The following SMC2 variants were observed in gnomAD, a reference collection of about 807,000 sequenced individuals.
SMC2 encodes structural maintenance of chromosomes 2.
SMC2 carries 41 observed loss-of-function variants against 142.6 expected under a neutral mutation model. The ratio of observed to expected loss-of-function variants is 0.29; its 90% CI spans 0.22 to 0.37. The LOEUF (loss-of-function observed/expected upper bound fraction) is 0.37, where lower values mean the gene tolerates loss of function less well. SMC2 is among the 10% of genes least tolerant of loss of function. SMC2 has a pLI of 1.00. For synonymous variants in SMC2, 463 were observed against 457.5 expected, an observed-to-expected ratio of 1.01 and a Z score of -0.15; for missense variants, 1,265 against 1,373.7, an observed-to-expected ratio of 0.92 and a Z score of 1.25.
At chr9:104,090,124 G>A (rs1363078081), upstream of SMC2, among the ~76,000 whole-genome samples, 1 of 152,136 alleles carries the variant, frequency 6.6e-6, no homozygotes, top group African/African-American at 2.4e-5. Context: ...CAACATGGTC[G>A]ACTGAGCTTT....
chr9:104,134,151 A>G (rs1033743447), intron 22 of SMC2, among the ~76,000 whole-genome samples: 1 of 152,066 alleles, frequency 6.6e-6, no homozygotes, highest in African/African-American at 2.4e-5. Context: ...TCATTTTTGT[A>G]AAGGGCCATA....
chr9:104,092,694 A>G (rs1830024077), upstream of SMC2: 1 of 152,232 alleles, frequency 6.6e-6, no homozygotes, highest in Non-Finnish European at 1.5e-5. Context: ...ATCCTTTCTT[A>G]AACAAAAAAC....
chr9:104,126,610 T>C, intron 18 of SMC2, 31 bp from the exon 19 acceptor site: 1 of 1,561,824 alleles, frequency 6.4e-7, no homozygotes, highest in Non-Finnish European at 8.7e-7. Flanking sequence ...TAATAACCTA[T>C]ATGAATACCT....
chr9:104,111,926 T>C lies in SMC2; in HGVS notation c.1254+112T>C. 3.9e-6 allele frequency: 3 copies of C among 770,486 alleles called. No homozygotes were observed. The South Asian group carries it at 5.8e-5, about 15-fold the overall frequency. The allele number at this position is 770,486 out of a possible 1,614,324, so 47.7% of individuals were successfully genotyped here. A position where few individuals can be genotyped will look rare whatever the true frequency, so the allele number is the denominator to read the frequency against. Reference sequence around the variant, plus strand: ...TTGAAAATAATCAGTCTCAAGGAACTTGTTTGTTTACTTTATTCTGCAACT... The same window carrying C: ...TTGAAAATAATCAGTCTCAAGGAACCTGTTTGTTTACTTTATTCTGCAACT... On this transcript the variant is annotated intron_variant, in intron 10 of 24. Coordinates refer to ENST00000374793, the MANE Select transcript of SMC2 (RefSeq NM_006444.3).
chr9:104,129,994 T>A, intron 21 of SMC2, 149 bp downstream of exon 21: 1 of 636,914 alleles, frequency 1.6e-6, no homozygotes, highest in Non-Finnish European at 2.7e-6. Flanking sequence ...CTTTTCGTCA[T>A]TTTTTTCTTA....
chr9:104,119,028 C>A (rs1208356150), intron 15 of SMC2, among the ~76,000 whole-genome samples: 1 of 152,134 alleles, frequency 6.6e-6, no homozygotes, highest in Non-Finnish European at 1.5e-5. Flanking sequence ...GAATCTGAAT[C>A]CCAGCAGTCT....
chr9:104,094,031 G>GGGCGGGGCT (rs1470975267), upstream of SMC2, among the ~76,000 whole-genome samples: 1 of 152,192 alleles, frequency 6.6e-6, no homozygotes, highest in Non-Finnish European at 1.5e-5. Context: ...GACCGAGGCG[G>GGGCGGGGCT]GGCGGGGCTG....
At chr9:104,113,092 AT>A (rs1832674410) in intron 10 of SMC2, among the ~76,000 whole-genome samples, 2 of 152,158 alleles carry the variant, frequency 1.3e-5, no homozygotes, top group Non-Finnish European at 2.9e-5. Flanking sequence ...TAAATTTCAA[AT>A]TCTTTTACAT....
In SMC2 at chr9:104,102,216, C is replaced by T. The variant is rs761913650; in HGVS notation, c.870+23C>T. 15 of 1,338,118 alleles carry T rather than the reference C, an allele frequency of 1.1e-5. No homozygotes were observed. In the Admixed American group the frequency reaches 1.5e-4, roughly 13 times the overall value. The allele number at this position is 1,338,118 out of a possible 1,614,324, so 82.9% of individuals were successfully genotyped here. A position where few individuals can be genotyped will look rare whatever the true frequency, so the allele number is the denominator to read the frequency against. On this transcript the variant is annotated intron_variant, in intron 8 of 24. Transcript: ENST00000374793. ...AAGGTCTGAACATATGTATAAGAAT[C>T]GATAATATACTCTGTGAAAAACGTA...
At chr9:104,088,888 A>C in the SMC2 span, among the ~76,000 whole-genome samples, 2 of 152,106 alleles carry the variant, frequency 1.3e-5, no homozygotes, top group Non-Finnish European at 2.9e-5. Context: ...GCATTCTATA[A>C]ATGCCTATTG....
chr9:104,136,281 A>T (rs1051560340), intron 23 of SMC2, among the ~76,000 whole-genome samples: 2 of 152,078 alleles, frequency 1.3e-5, no homozygotes, highest in South Asian at 2.1e-4. Flanking sequence ...ACACCTGTTA[A>T]TGTTCCTTAT....
intron 7 of SMC2, among the ~76,000 whole-genome samples, chr9:104,101,646 C>T (rs1247772924): frequency 6.6e-6 from 1 of 152,066 alleles, no homozygotes; most frequent in African/African-American, 2.4e-5. Flanking sequence ...ACTACTACTA[C>T]AGAATCCATG....
At chr9:104,098,387 T>A in intron 3 of SMC2, 59 bp from the exon 4 acceptor site, 1 of 1,410,830 alleles carries the variant, frequency 7.1e-7, no homozygotes. Context: ...TATACTTAGT[T>A]TATCCTAGCA....
At chr9:104,117,895 G>A (rs112411825) in intron 14 of SMC2, among the ~76,000 whole-genome samples, 1 of 152,062 alleles carries the variant, frequency 6.6e-6, no homozygotes, top group Non-Finnish European at 1.5e-5. Flanking sequence ...TAGAAACATG[G>A]TAATGGCTCC....
At chr9:104,091,162 A>T (rs1829977300), upstream of SMC2, among the ~76,000 whole-genome samples, 4 of 152,236 alleles carry the variant, frequency 2.6e-5, no homozygotes, top group Admixed American at 2.6e-4. Context: ...GCGTTGCCTA[A>T]CGACGAGATA....
At position 104,102,124 on chromosome 9, in the gene SMC2, G is replaced by A; in HGVS notation, c.801G>A (p.Leu267=). The change falls in exon 8 of 25, where the codon TTG becomes TTA. Residue 267 remains leucine (L), a synonymous_variant. Transcript: ENST00000374793. ...QDKVIKLQEE[L]SENDKKIKAL... is the part of the protein sequence containing the mutation. ...AAGTTATAAAGCTTCAGGAAGAATTGTCTGAGAATGATAAAAAAATAAAAG... is the reference window on the plus strand; with the variant it reads ...AAGTTATAAAGCTTCAGGAAGAATTATCTGAGAATGATAAAAAAATAAAAG... 6.3e-7 allele frequency: 1 copy of A among 1,594,082 alleles called. No individual in the cohort carries two copies. Among genetic ancestry groups the A allele is most frequent in the Non-Finnish European group, 8.6e-7 (1 of 1,164,698 alleles).
At chr9:104,123,357 A>G (rs1169507720) in intron 17 of SMC2, 125 bp downstream of exon 17, 3 of 888,030 alleles carry the variant, frequency 3.4e-6, no homozygotes, top group African/African-American at 3.5e-5. Flanking sequence ...GGGAAAATCC[A>G]AGTATGGGAT....
rs773792221 is a variant in SMC2 at position 104,118,186 on chromosome 9, G to A, written c.1807G>A (p.Val603Ile). ...TGTCCCACAGGTTGGCCCTGACAAC[G>A]TTCATGTGGCTCTTTCCTTGGTTGA... ...VAQNLVGPDN[V>I]HVALSLVEYK... The change falls in exon 15 of 25, where the codon GTT (valine) becomes ATT (isoleucine). Residue 603 changes from valine (V) to isoleucine (I), a missense_variant. Physicochemically the swap from Val to Ile is conservative, Grantham distance 29. This residue lies in a region of SMC2 where 898 missense variants were observed against 904.2 expected (regional missense o/e 0.99). Transcript: ENST00000374793. 20 of 1,613,612 alleles carry A rather than the reference G, an allele frequency of 1.2e-5. No homozygotes were observed. The highest frequency in any genetic ancestry group is 3.3e-5 in the South Asian group (3 of 91,070).
At position 104,114,063 on chromosome 9, in the gene SMC2, A is replaced by G. The variant is rs755680693; in HGVS notation, c.1514A>G (p.Asn505Ser). Reference sequence around the variant, plus strand: ...GAAGCTCTATTAGCCAGATTTCCCAATCTTCGATTTGCATACAAGTAAGAG... The same window carrying G: ...GAAGCTCTATTAGCCAGATTTCCCAGTCTTCGATTTGCATACAAGTAAGAG... ...TYEALLARFP[N>S]LRFAYKDPEK... The change falls in exon 12 of 25, where the codon AAT becomes AGT. Residue 505 changes from asparagine to serine, a missense_variant. Asn to Ser is a conservative substitution (Grantham distance 46). Transcript: ENST00000374793. 9.6e-6 allele frequency: 15 copies of G among 1,568,882 alleles called. No homozygotes were observed. Among genetic ancestry groups the G allele is most frequent in the African/African-American group, 6.9e-5 (5 of 72,954 alleles).
Sources: gnomAD v4.1 joint callset for allele counts (sites outside exome capture counted in the v4.1 genomes callset) on GRCh38, gnomAD v4.1.1 for gene constraint, gnomAD v4.1.1 regional missense constraint, MANE v1.5 for transcripts, NCBI Gene and HGNC (gene_info 2026-07-23, HGNC 2026-07-21) for gene names.